The following PPP1R1C variants were observed in gnomAD, a reference collection of about 807,000 sequenced individuals.
PPP1R1C encodes protein phosphatase 1 regulatory subunit 1C.
In PPP1R1C, 15 loss-of-function variants were observed where a neutral mutation model predicts 17.4. The observed-to-expected ratio is 0.86, with a 90% CI of 0.58 to 1.33. The LOEUF (loss-of-function observed/expected upper bound fraction) is 1.33, where lower values mean the gene tolerates loss of function less well. Ranked by LOEUF, PPP1R1C falls within the 40% of genes most tolerant of loss-of-function variation. PPP1R1C has a pLI of 0.00. For missense variants in PPP1R1C, 143 were observed against 130.0 expected (o/e 1.10, Z -0.48); for synonymous variants, 35 against 43.1 (o/e 0.81, Z 0.73).
At chr2:182,112,656 T>C (rs1385219531) in intron 4 of PPP1R1C, among the ~76,000 whole-genome samples, 1 of 152,174 alleles carries the variant, frequency 6.6e-6, no homozygotes, top group Admixed American at 6.6e-5. Flanking sequence ...CTGAAACTGT[T>C]TCTTCATCTT....
intron 4 of PPP1R1C, among the ~76,000 whole-genome samples, chr2:182,068,553 C>G (rs1279149487): frequency 6.6e-6 from 1 of 152,176 alleles, no homozygotes; most frequent in Non-Finnish European, 1.5e-5. Flanking sequence ...CACTAAGCCT[C>G]AGGTCGGCGT....
chr2:181,984,318 G>A (rs1314786846), upstream of PPP1R1C, among the ~76,000 whole-genome samples: 1 of 152,152 alleles, frequency 6.6e-6, no homozygotes, highest in Non-Finnish European at 1.5e-5. Flanking sequence ...CCAAGTGCAT[G>A]TTCTTAATTA....
At chr2:182,049,841 T>C (rs1217383970) in intron 2 of PPP1R1C, among the ~76,000 whole-genome samples, 48 of 152,224 alleles carry the variant, frequency 3.2e-4, no homozygotes, top group Non-Finnish European at 3.1e-4. Context: ...ATTTATTCAC[T>C]TACCCAGTAT....
intron 4 of PPP1R1C, among the ~76,000 whole-genome samples, chr2:182,098,768 T>C (rs191963487): frequency 6.6e-6 from 1 of 152,332 alleles, no homozygotes; most frequent in East Asian, 1.9e-4. Context: ...ATTAGTACTG[T>C]CTTTGAAATA....
chr2:182,033,436 C>T (rs1014262589), intron 2 of PPP1R1C, among the ~76,000 whole-genome samples: 4 of 152,156 alleles, frequency 2.6e-5, no homozygotes, highest in South Asian at 2.1e-4. Flanking sequence ...GTCCCAGAGG[C>T]ATATCAATTT....
At position 181,990,246 on chromosome 2, in the gene PPP1R1C, C is replaced by A. The variant is rs1164299800; in HGVS notation, c.142+2347C>A. Reference sequence around the variant, plus strand: ...CTCCACCTCCGGGGTTCACGCCATTCTCCTGCCTCAGCCTCCCGAGCAGCT... The same window carrying A: ...CTCCACCTCCGGGGTTCACGCCATTATCCTGCCTCAGCCTCCCGAGCAGCT... On this transcript the variant is annotated intron_variant, in intron 2 of 4. Transcript: ENST00000682840. Among the ~76,000 whole-genome samples, 4 of 152,026 alleles carry A rather than the reference C, an allele frequency of 2.6e-5. No individual in the cohort carries two copies. In the East Asian group the frequency reaches 5.8e-4, roughly 22 times the overall value.
chr2:182,047,851 G>T (rs977675016), intron 2 of PPP1R1C, among the ~76,000 whole-genome samples: 10 of 152,146 alleles, frequency 6.6e-5, no homozygotes, highest in African/African-American at 2.4e-4. Context: ...AAGCAGAAAG[G>T]TAGTTTGGAA....
chr2:181,995,033 A>C (rs1685574797), intron 2 of PPP1R1C, among the ~76,000 whole-genome samples: 1 of 152,202 alleles, frequency 6.6e-6, no homozygotes, highest in African/African-American at 2.4e-5. Context: ...GCTCTGGTTA[A>C]AGCACAATGT....
chr2:182,020,061 A>C lies in PPP1R1C; in HGVS notation c.142+32162A>C, dbSNP rs558967245. Among the ~76,000 whole-genome samples the C allele has an allele frequency of 1.7e-3, 258 of 152,348 alleles. 1 individual carries two copies. Among genetic ancestry groups the C allele is most frequent in the African/African-American group, 5.8e-3 (242 of 41,584 alleles). ...ACTATTTGTCTGACATTTAATATTG[A>C]AGCCTCATTAGAGACATAATTAGTT... On this transcript the variant is annotated intron_variant, in intron 2 of 4. Coordinates refer to ENST00000682840, the MANE Select transcript of PPP1R1C (RefSeq NM_001080545.3).
At chr2:182,037,959 C>T (rs905443524) in intron 2 of PPP1R1C, among the ~76,000 whole-genome samples, 1 of 151,994 alleles carries the variant, frequency 6.6e-6, no homozygotes, top group African/African-American at 2.4e-5. Flanking sequence ...CTCCTGATAG[C>T]TCTATATTTA....
chr2:182,033,809 G>A (rs762662134), intron 2 of PPP1R1C, among the ~76,000 whole-genome samples: 5 of 152,124 alleles, frequency 3.3e-5, no homozygotes, highest in Admixed American at 1.3e-4. Flanking sequence ...TTAAAGGCCC[G>A]CCACAATGTT....
intron 4 of PPP1R1C, among the ~76,000 whole-genome samples, chr2:182,099,733 T>G (rs2125226784): frequency 6.6e-6 from 1 of 152,358 alleles, no homozygotes; most frequent in African/African-American, 2.4e-5. Context: ...AGGAGATTGC[T>G]TTTAAAGTCT....
At chr2:182,077,473 A>AG (rs2125210049) in intron 4 of PPP1R1C, among the ~76,000 whole-genome samples, 1 of 152,344 alleles carries the variant, frequency 6.6e-6, no homozygotes, top group African/African-American at 2.4e-5. Flanking sequence ...TTTACTTATA[A>AG]GGCCAAACCA....
At chr2:181,975,216 T>A (rs1026148501) in intron 1 of PPP1R1C, 9 of 150,220 alleles carry the variant, frequency 6.0e-5, no homozygotes, top group East Asian at 3.9e-4. Flanking sequence ...TTTTTTTTTT[T>A]AGAATGTTTT....
At chr2:182,024,955 T>C (rs117285100) in intron 2 of PPP1R1C, among the ~76,000 whole-genome samples, 6,244 of 144,380 alleles carry the variant, frequency 0.043, 386 homozygotes, top group Admixed American at 0.18. Flanking sequence ...TATTCTTCTT[T>C]TTTTTTTTTT....
chr2:182,046,523 C>G (rs962284866), intron 2 of PPP1R1C, among the ~76,000 whole-genome samples: 1 of 149,966 alleles, frequency 6.7e-6, no homozygotes, highest in Non-Finnish European at 1.5e-5. Context: ...GTCAAGAGAT[C>G]GAGACCTTCC....
intron 2 of PPP1R1C, among the ~76,000 whole-genome samples, chr2:182,049,919 A>G (rs903923772): frequency 2.0e-5 from 3 of 152,146 alleles, no homozygotes; most frequent in Non-Finnish European, 4.4e-5. Context: ...TGAAGTCTTC[A>G]ATTTTATCAC....
At chr2:182,089,229 T>C (rs777664996) in intron 4 of PPP1R1C, among the ~76,000 whole-genome samples, 3 of 152,198 alleles carry the variant, frequency 2.0e-5, no homozygotes, top group Admixed American at 6.5e-5. Context: ...AATAACTAAA[T>C]GCTGCCACTG....
intron 4 of PPP1R1C, among the ~76,000 whole-genome samples, chr2:182,082,600 C>G (rs1485835460): frequency 1.3e-5 from 2 of 152,082 alleles, no homozygotes; most frequent in African/African-American, 4.8e-5. Context: ...GGCTCTGCAT[C>G]TGAGTCGCGG....
Sources: gnomAD v4.1 joint callset for allele counts (sites outside exome capture counted in the v4.1 genomes callset) on GRCh38, gnomAD v4.1.1 for gene constraint, MANE v1.5 for transcripts, NCBI Gene and HGNC (gene_info 2026-07-23, HGNC 2026-07-21) for gene names.